Variants in C10orf67 observed in about 807,000 individuals in gnomAD.
The protein encoded by C10orf67 is chromosome 10 open reading frame 67, also known as uncharacterized protein C10orf67, mitochondrial.
Under a neutral mutation model 35.6 loss-of-function variants are expected in C10orf67, and 60 were observed. The ratio of observed to expected loss-of-function variants is 1.68; its 90% confidence interval spans 1.37 to 2.09. C10orf67 has a LOEUF of 2.09. C10orf67 is among the 30% of genes most tolerant of loss of function. The pLI is 0.00. For missense variants in C10orf67, 474 were observed against 330.2 expected (o/e 1.44, Z -3.38); for synonymous variants, 167 against 115.8 (o/e 1.44, Z -2.84).
intron 10 of C10orf67, among the ~76,000 whole-genome samples, chr10:23,261,019 A>T (rs755994142): frequency 6.6e-6 from 1 of 152,142 alleles, no homozygotes; most frequent in South Asian, 2.1e-4. Context: ...ATCACACTCG[A>T]GGTTGTTTAG....
At chr10:23,343,840 T>G (rs1160294647) in intron 1 of C10orf67, 2 of 448,728 alleles carry the variant, frequency 4.5e-6, no homozygotes, top group Non-Finnish European at 9.2e-6. Flanking sequence ...GGAAAGGCGT[T>G]GAGCGAGGGC....
At chr10:23,283,751 T>C (rs185866848) in intron 7 of C10orf67, among the ~76,000 whole-genome samples, 3 of 152,212 alleles carry the variant, frequency 2.0e-5, no homozygotes, top group Admixed American at 2.0e-4. Flanking sequence ...CTAACTGCTC[T>C]TCTCGGGGCC....
chr10:23,325,834 T>C (rs983887577), intron 2 of C10orf67, among the ~76,000 whole-genome samples: 7 of 151,748 alleles, frequency 4.6e-5, no homozygotes, highest in Admixed American at 3.3e-4. Context: ...CTGTAATAAA[T>C]GAAAAAAGGA....
In C10orf67 at chr10:23,247,439, A is replaced by T. The variant is rs914392670; in HGVS notation, c.1346+3016T>A. Among the ~76,000 whole-genome samples, 15 of 152,344 alleles carry T rather than the reference A, an allele frequency of 9.8e-5. No individual in the cohort carries two copies. The South Asian group carries it at 2.9e-3, about 29-fold the overall frequency. On this transcript the variant is annotated intron_variant, in intron 12 of 15. Transcript: ENST00000636213. ...CTGTGCAGGTTTGTAGCCTAGGAGC[A>T]ATAGGCTATACCATATAGCCTAGGT...
intron 8 of C10orf67, among the ~76,000 whole-genome samples, chr10:23,278,595 AGAG>A (rs1320418230): frequency 2.0e-5 from 3 of 152,212 alleles, no homozygotes; most frequent in Non-Finnish European, 4.4e-5. Flanking sequence ...GAGAGCCACA[AGAG>A]GAGAACTGTG....
intron 5 of C10orf67, among the ~76,000 whole-genome samples, chr10:23,293,194 T>C (rs532738946): frequency 4.4e-4 from 67 of 152,340 alleles, no homozygotes; most frequent in African/African-American, 1.6e-3. Flanking sequence ...AGCTAATACC[T>C]AACTACGGGT....
At chr10:23,306,008 C>G (rs1256830495) in intron 4 of C10orf67, among the ~76,000 whole-genome samples, 2 of 152,002 alleles carry the variant, frequency 1.3e-5, no homozygotes, top group Non-Finnish European at 2.9e-5. Context: ...CATACACACA[C>G]ACACAATGGA....
At chr10:23,290,220 C>T (rs542251296) in intron 6 of C10orf67, among the ~76,000 whole-genome samples, 2 of 152,252 alleles carry the variant, frequency 1.3e-5, no homozygotes, top group East Asian at 3.9e-4. Flanking sequence ...ATACTAGCGA[C>T]GGACATTTTT....
intron 1 of C10orf67, among the ~76,000 whole-genome samples, chr10:23,342,044 G>C (rs11013406): frequency 0.41 from 62,676 of 151,742 alleles, 13,140 homozygotes; most frequent in Admixed American, 0.46. Context: ...TGTGCTTGTC[G>C]TCTCAGCTAC....
intron 15 of C10orf67, among the ~76,000 whole-genome samples, chr10:23,210,982 A>G (rs986389965): frequency 2.0e-5 from 3 of 152,220 alleles, no homozygotes; most frequent in Non-Finnish European, 2.9e-5. Flanking sequence ...GTGGGTATCA[A>G]TTATTTAATG....
At chr10:23,236,547 C>A (rs1162812127) in intron 13 of C10orf67, among the ~76,000 whole-genome samples, 1 of 152,122 alleles carries the variant, frequency 6.6e-6, no homozygotes, top group Non-Finnish European at 1.5e-5. Context: ...TAAAACGATG[C>A]AGTCACTTTG....
intron 10 of C10orf67, 132 bp from the exon 11 acceptor site, chr10:23,250,823 C>T: frequency 2.5e-6 from 1 of 392,478 alleles, no homozygotes; most frequent in East Asian, 3.6e-5. Flanking sequence ...TGAGGCGGGG[C>T]ACGGTGACTC....
At chr10:23,227,581 T>C (rs995281984) in intron 13 of C10orf67, among the ~76,000 whole-genome samples, 1 of 152,200 alleles carries the variant, frequency 6.6e-6, no homozygotes, top group Non-Finnish European at 1.5e-5. Flanking sequence ...TTGGAAGTTC[T>C]GGCCAGGGCA....
intron 5 of C10orf67, among the ~76,000 whole-genome samples, chr10:23,293,234 C>T (rs1274612402): frequency 6.6e-6 from 1 of 152,154 alleles, no homozygotes; most frequent in Non-Finnish European, 1.5e-5. Context: ...GAAAGCAGGA[C>T]GCAAGGAAAA....
rs1032324767 is a variant in C10orf67, at chr10:23,322,487, C to A, written c.378G>T (p.Gln126His). 5.0e-6 allele frequency: 8 copies of A among 1,612,622 alleles called. No individual in the cohort carries two copies. Among genetic ancestry groups the A allele is most frequent in the African/African-American group, 2.7e-5 (2 of 74,884 alleles). ...VDFGFLKQLLQLKFEDRLKEE... is the reference protein window; with the variant it reads ...VDFGFLKQLLHLKFEDRLKEE... ...CTTTCAGTCGGTCCTCAAACTTCAACTGAAGCAATTGTTTGAGGAACCCAA... is the reference window on the plus strand; with the variant it reads ...CTTTCAGTCGGTCCTCAAACTTCAAATGAAGCAATTGTTTGAGGAACCCAA... Residue 126 changes from glutamine (Q) to histidine (H), a missense_variant, in exon 3 of 16, where the codon CAG (glutamine) becomes CAT (histidine). Physicochemically the swap from Gln to His is conservative, Grantham distance 24. Transcript: ENST00000636213.
chr10:23,339,178 GAC>G (rs2132413744), intron 1 of C10orf67, among the ~76,000 whole-genome samples: 1 of 152,202 alleles, frequency 6.6e-6, no homozygotes, highest in African/African-American at 2.4e-5. Context: ...TGAATTAGAT[GAC>G]ACTGATGACT....
At chr10:23,269,665 A>G (rs1842968387) in intron 8 of C10orf67, among the ~76,000 whole-genome samples, 2 of 152,128 alleles carry the variant, frequency 1.3e-5, no homozygotes. Flanking sequence ...AAATATAAAT[A>G]TACTGAGAAT....
rs537164248 is a variant in C10orf67 at position 23,299,699 on chromosome 10, C to T, written c.702+3605G>A. 7.0e-4 allele frequency among the ~76,000 whole-genome samples: 107 copies of T among 152,136 alleles called. 1 individual carries two copies. Among genetic ancestry groups the T allele is most frequent in the African/African-American group, 2.4e-3 (99 of 41,504 alleles). ...CAGGAGAGTAAGACTGAGAAGGGGG[C>T]GGGTGCAGTGGCTCATGCCTGTAAT... On this transcript the variant is annotated intron_variant, in intron 5 of 15. Transcript: ENST00000636213.
At chr10:23,314,760 T>C (rs908887251) in intron 4 of C10orf67, among the ~76,000 whole-genome samples, 2 of 152,162 alleles carry the variant, frequency 1.3e-5, no homozygotes, top group Non-Finnish European at 2.9e-5. Flanking sequence ...ACTCAATTCT[T>C]TGCCACGTGG....
Sources: gnomAD v4.1 joint callset for allele counts (sites outside exome capture counted in the v4.1 genomes callset) on GRCh38, gnomAD v4.1.1 for gene constraint, MANE v1.5 for transcripts, NCBI Gene and HGNC (gene_info 2026-07-23, HGNC 2026-07-21) for gene names.